WWOX: variants seen among roughly 807,000 people sequenced by gnomAD.
WWOX encodes WW domain containing oxidoreductase.
In WWOX, 69 loss-of-function variants were observed where a neutral mutation model predicts 46.2. That is an observed-to-expected ratio of 1.49 (90% CI 1.23 to 1.82). The LOEUF is 1.82. Ranked by LOEUF, WWOX falls within the 40% of genes most tolerant of loss-of-function variation. WWOX has a pLI of 0.00. For synonymous variants in WWOX, 359 were observed against 202.6 expected, an observed-to-expected ratio of 1.77 and a Z score of -6.56; for missense variants, 919 against 542.6, an observed-to-expected ratio of 1.69 and a Z score of -6.89.
intron 8 of WWOX, among the ~76,000 whole-genome samples, chr16:78,740,969 C>A (rs540821694): frequency 6.6e-6 from 1 of 152,306 alleles, no homozygotes; most frequent in South Asian, 2.1e-4. Context: ...TGTGCAAATA[C>A]AAGCCCTTCT....
chr16:78,531,113 G>C (rs184330080), intron 8 of WWOX, among the ~76,000 whole-genome samples: 5 of 152,258 alleles, frequency 3.3e-5, no homozygotes, highest in Admixed American at 2.0e-4. Flanking sequence ...CATTTCATGA[G>C]TCTTGGCATC....
At chr16:78,374,250 C>A (rs757930162) in intron 5 of WWOX, among the ~76,000 whole-genome samples, 1 of 152,012 alleles carries the variant, frequency 6.6e-6, no homozygotes, top group Non-Finnish European at 1.5e-5. Context: ...GAAAGTCTTA[C>A]GTACATGTTT....
chr16:78,532,044 G>T (rs1462031951), intron 8 of WWOX, among the ~76,000 whole-genome samples: 1 of 150,956 alleles, frequency 6.6e-6, no homozygotes, highest in African/African-American at 2.4e-5. Flanking sequence ...GTCAGAAGTG[G>T]TATTTGGGGG....
chr16:78,624,049 C>T (rs1471617531), intron 8 of WWOX, among the ~76,000 whole-genome samples: 3 of 152,188 alleles, frequency 2.0e-5, no homozygotes, highest in Non-Finnish European at 4.4e-5. Flanking sequence ...CAGCATCTTG[C>T]ACGTAGAATT....
intron 8 of WWOX, among the ~76,000 whole-genome samples, chr16:79,035,086 A>T (rs1421865099): frequency 6.6e-6 from 1 of 152,184 alleles, no homozygotes; most frequent in Non-Finnish European, 1.5e-5. Flanking sequence ...AAAGTGAAAC[A>T]AACAAACAAA....
At chr16:78,472,865 C>T (rs560980593) in intron 8 of WWOX, among the ~76,000 whole-genome samples, 15 of 147,314 alleles carry the variant, frequency 1.0e-4, no homozygotes, top group South Asian at 8.8e-4. Flanking sequence ...ACAGCGTCAG[C>T]AGAATAAATC....
Position 78,825,842 on chromosome 16 carries a change from C to T in WWOX, c.1057-385766C>T, listed in dbSNP as rs1343213162. ...TCTGGGCATCAAGGTGAAGGTCATG[C>T]TGCCCTGGGACCCCGCTGGTAAGAC... On this transcript the variant is annotated intron_variant, in intron 8 of 8. Transcript: ENST00000566780. The T allele has an allele frequency of 4.9e-6, 3 of 618,052 alleles. No homozygotes were observed. In the South Asian group the frequency reaches 5.9e-5, roughly 12 times the overall value. 38.3% of individuals were successfully genotyped at this position (618,052 alleles called of 1,614,324 possible).
chr16:78,487,657 C>G lies in WWOX; in HGVS notation c.1056+54905C>G, dbSNP rs548910686. On this transcript the variant is annotated intron_variant, in intron 8 of 8. Transcript: ENST00000566780. The stretch of plus-strand genomic sequence containing the variant: ...GGAGATGTTTAGTAACATCCCTGAC[C>G]TCTAGCCATTAGATACCATCTCTCC... 6.6e-5 allele frequency among the ~76,000 whole-genome samples: 10 copies of G among 152,228 alleles called. No homozygotes were observed. In the South Asian group the frequency reaches 2.1e-3, roughly 32 times the overall value.
chr16:79,150,505 C>A (rs1253713879), intron 8 of WWOX, among the ~76,000 whole-genome samples: 1 of 152,104 alleles, frequency 6.6e-6, no homozygotes, highest in African/African-American at 2.4e-5. Context: ...GGAGAAAGTG[C>A]CAAAGATAGT....
At chr16:78,859,131 A>T (rs1050633336) in intron 8 of WWOX, among the ~76,000 whole-genome samples, 1 of 144,266 alleles carries the variant, frequency 6.9e-6, no homozygotes, top group South Asian at 2.3e-4. Flanking sequence ...TGGCTCCTTG[A>T]TGTTCTCGGG....
chr16:79,138,557 G>T (rs920105220), intron 8 of WWOX, among the ~76,000 whole-genome samples: 1 of 152,186 alleles, frequency 6.6e-6, no homozygotes, highest in Non-Finnish European at 1.5e-5. Context: ...AGACCTGGCA[G>T]GCAGTCTTGA....
chr16:78,306,557 C>T (rs570689215), intron 5 of WWOX, among the ~76,000 whole-genome samples: 63 of 152,168 alleles, frequency 4.1e-4, no homozygotes, highest in Non-Finnish European at 7.2e-4. Flanking sequence ...CTTGCTTCCA[C>T]TTGTGGCCAG....
chr16:78,374,619 G>C (rs1385760209), intron 5 of WWOX, among the ~76,000 whole-genome samples: 2 of 139,838 alleles, frequency 1.4e-5, no homozygotes, highest in African/African-American at 5.4e-5. Context: ...CGCGATCTTG[G>C]CTCACTGCAA....
intron 8 of WWOX, among the ~76,000 whole-genome samples, chr16:79,109,996 A>G (rs1200388886): frequency 1.3e-5 from 2 of 152,208 alleles, no homozygotes; most frequent in African/African-American, 2.4e-5. Flanking sequence ...CCAGCCCGTT[A>G]TGTCGCAAGG....
At chr16:78,969,194 T>C (rs924425852) in intron 8 of WWOX, among the ~76,000 whole-genome samples, 1 of 151,950 alleles carries the variant, frequency 6.6e-6, no homozygotes, top group African/African-American at 2.4e-5. Context: ...AACCCTAGCA[T>C]GCTCCTTTGC....
chr16:79,075,536 C>T (rs1471900183), intron 8 of WWOX, among the ~76,000 whole-genome samples: 2 of 135,670 alleles, frequency 1.5e-5, no homozygotes, highest in Admixed American at 1.7e-4. Context: ...GGCGATTTTT[C>T]CTTTCTCTCT....
rs1044195896 is a variant in WWOX at position 79,103,456 on chromosome 16, C to G, written c.1057-108152C>G. 7.9e-5 allele frequency among the ~76,000 whole-genome samples: 12 copies of G among 152,268 alleles called. No individual in the cohort carries two copies. The East Asian group carries it at 1.7e-3, about 22-fold the overall frequency. ...CACAACCACAAGGATTCACTCCTTC[C>G]TTGGATTTTGTGCCTCTTCCCCTGT... On this transcript the variant is annotated intron_variant, in intron 8 of 8. Transcript: ENST00000566780.
At chr16:78,685,693 A>G (rs1259296076) in intron 8 of WWOX, among the ~76,000 whole-genome samples, 3 of 152,146 alleles carry the variant, frequency 2.0e-5, no homozygotes, top group Non-Finnish European at 4.4e-5. Context: ...TTAGCACAGA[A>G]CTCCTGTCCT....
intron 4 of WWOX, among the ~76,000 whole-genome samples, chr16:78,152,034 C>G (rs905025516): frequency 6.6e-6 from 1 of 152,004 alleles, no homozygotes; most frequent in Non-Finnish European, 1.5e-5. Flanking sequence ...ACTAAAAATA[C>G]AAAAAATTAG....
Sources: allele counts gnomAD v4.1 joint callset (sites outside exome capture counted in the v4.1 genomes callset), GRCh38; gene constraint gnomAD v4.1.1; transcripts MANE v1.5; gene names NCBI Gene and HGNC (gene_info 2026-07-23, HGNC 2026-07-21).